The following NFIB variants were observed in gnomAD, a reference collection of about 807,000 sequenced individuals.
NFIB encodes the protein nuclear factor 1 B-type.
Under a neutral mutation model 61.5 loss-of-function variants are expected in NFIB, and 11 were observed. The ratio of observed to expected loss-of-function variants is 0.18; its 90% confidence interval spans 0.11 to 0.30. NFIB has a LOEUF of 0.30. Ranked by LOEUF, NFIB falls within the 10% of genes least tolerant of loss-of-function variation. The pLI, the probability that NFIB is intolerant of heterozygous loss-of-function variation, is 1.00. For synonymous variants in NFIB, 260 were observed against 216.5 expected (o/e 1.20, Z -1.76); for missense variants, 471 against 608.9 (o/e 0.77, Z 2.38).
chr9:14,153,149 G>A (rs548759367), intron 4 of NFIB, among the ~76,000 whole-genome samples: 3 of 152,070 alleles, frequency 2.0e-5, no homozygotes, highest in African/African-American at 7.2e-5. Context: ...CCATAAATAT[G>A]TACACATATT....
intron 3 of NFIB, among the ~76,000 whole-genome samples, chr9:14,176,402 T>G (rs2046198745): frequency 6.6e-6 from 1 of 152,084 alleles, no homozygotes; most frequent in South Asian, 2.1e-4. Context: ...TGTCCTTGGG[T>G]GCTATCTGAG....
intron 2 of NFIB, among the ~76,000 whole-genome samples, chr9:14,295,464 A>T (rs911787478): frequency 4.6e-5 from 7 of 151,272 alleles, no homozygotes; most frequent in African/African-American, 1.7e-4. Flanking sequence ...GTCTCTACTA[A>T]ACATACAAAA....
chr9:14,230,105 T>G (rs1280374202), intron 2 of NFIB, among the ~76,000 whole-genome samples: 1 of 152,222 alleles, frequency 6.6e-6, no homozygotes, highest in Non-Finnish European at 1.5e-5. Flanking sequence ...GTGCCTGGCC[T>G]GACCTGATGA....
At chr9:14,269,904 G>C (rs964144016) in intron 2 of NFIB, among the ~76,000 whole-genome samples, 1 of 152,048 alleles carries the variant, frequency 6.6e-6, no homozygotes, top group South Asian at 2.1e-4. Flanking sequence ...ACTACAGAGC[G>C]GCAAGGAAGT....
chr9:14,475,350 C>A, the NFIB span, among the ~76,000 whole-genome samples: 42 of 152,320 alleles, frequency 2.8e-4, no homozygotes, highest in African/African-American at 9.9e-4. Flanking sequence ...GGATAAGAAC[C>A]TTTCGACCAT....
intron 1 of NFIB, among the ~76,000 whole-genome samples, chr9:14,372,683 G>C (rs1328163421): frequency 3.3e-5 from 5 of 152,094 alleles, no homozygotes; most frequent in Admixed American, 3.3e-4. Flanking sequence ...CCTGGGGCCA[G>C]GAAACATCTG....
At position 14,194,233 on chromosome 9, in the gene NFIB, G is replaced by GT. The variant is rs2048250686; in HGVS notation, c.563-14454dup. Among the ~76,000 whole-genome samples the GT allele has an allele frequency of 2.0e-5, 3 of 152,266 alleles. 1 individual carries two copies. In the South Asian group the frequency reaches 6.2e-4, roughly 32 times the overall value. ...TAAATAGACATAAAGTGGCCATGAAGTAAGTCTAGCAATAACTTTCACTTT... is the reference window on the plus strand; with the variant it reads ...TAAATAGACATAAAGTGGCCATGAAGTTAAGTCTAGCAATAACTTTCACTTT... On this transcript the variant is annotated intron_variant, in intron 2 of 10. Coordinates refer to ENST00000380953, the MANE Select transcript of NFIB (RefSeq NM_001190737.2).
At chr9:14,327,705 C>T (rs2060772635) in intron 1 of NFIB, among the ~76,000 whole-genome samples, 1 of 152,156 alleles carries the variant, frequency 6.6e-6, no homozygotes, top group Non-Finnish European at 1.5e-5. Flanking sequence ...ACTTTGCAAG[C>T]AGCTGATGTG....
At chr9:14,493,024 T>C in the NFIB span, among the ~76,000 whole-genome samples, 1 of 152,222 alleles carries the variant, frequency 6.6e-6, no homozygotes, top group Non-Finnish European at 1.5e-5. Context: ...TAGCCCGTGA[T>C]GCTGTGCTCT....
Position 14,087,030 on chromosome 9 carries a change from T to G in NFIB, c.*1279A>C, listed in dbSNP as rs1288672813. 2.4e-5 allele frequency: 5 copies of G among 204,108 alleles called. No homozygotes were observed. 12.6% of individuals were successfully genotyped at this position (204,108 alleles called of 1,614,324 possible). A position where few individuals can be genotyped will look rare whatever the true frequency, so the allele number is the denominator to read the frequency against. ...CTGATTACATTTGTTTTCTCAAGAG[T>G]GCGTTTTTATATCCTACACCCTGGC... On this transcript the variant is annotated 3_prime_UTR_variant, in exon 11 of 11. Transcript: ENST00000380953.
chr9:14,256,872 C>A (rs2056266951), intron 2 of NFIB, among the ~76,000 whole-genome samples: 1 of 152,206 alleles, frequency 6.6e-6, no homozygotes, highest in Admixed American at 6.5e-5. Flanking sequence ...TGAAATAGAA[C>A]CAGGAACTGA....
the NFIB span, among the ~76,000 whole-genome samples, chr9:14,463,854 G>A: frequency 4.4e-3 from 676 of 151,984 alleles, 7 homozygotes; most frequent in African/African-American, 0.015. Context: ...TAGAGACAGG[G>A]TTTCACCGTG....
At chr9:14,398,884 C>A in exon 1 of NFIB, 2 of 377,464 alleles carry the variant, frequency 5.3e-6, no homozygotes, top group Non-Finnish European at 9.4e-6. Context: ...CAGTCTTGCT[C>A]CGACATGTGA....
Position 14,307,224 on chromosome 9 carries a change from G to A in NFIB, c.327C>T (p.Pro109=), listed in dbSNP as rs202070696. The A allele has an allele frequency of 1.2e-5, 20 of 1,613,860 alleles. No individual in the cohort carries two copies. Among genetic ancestry groups the A allele is most frequent in the East Asian group, 2.2e-5 (1 of 44,832 alleles). Residue 109 remains proline (P), a synonymous_variant, in exon 2 of 11, where the codon CCC becomes CCT. Transcript: ENST00000380953. The surrounding 1 kb of genome is among the most constrained non-coding windows in gnomAD (Gnocchi z 5.3). The stretch of plus-strand genomic sequence containing the variant: ...TTCTCCTAATCTTACCCTTCTGGTC[G>A]GGATTGGATAAGACACAGCACGGGT... ...KKHPCCVLSN[P]DQKGKIRRID...
the NFIB span, among the ~76,000 whole-genome samples, chr9:14,523,427 C>T: frequency 6.6e-6 from 1 of 152,052 alleles, no homozygotes; most frequent in Non-Finnish European, 1.5e-5. Context: ...TCTACCCATT[C>T]TACTTGAGGT....
chr9:14,164,745 A>T (rs942116772), intron 3 of NFIB, among the ~76,000 whole-genome samples: 3 of 152,194 alleles, frequency 2.0e-5, no homozygotes, highest in African/African-American at 7.2e-5. Flanking sequence ...TGGACCGATT[A>T]TCCTAGTGTA....
the NFIB span, among the ~76,000 whole-genome samples, chr9:14,457,412 A>G: frequency 6.6e-6 from 1 of 152,184 alleles, no homozygotes; most frequent in African/African-American, 2.4e-5. Flanking sequence ...AGAAAGCAGG[A>G]AAGATCTAAA....
chr9:14,442,869 G>A, the NFIB span, among the ~76,000 whole-genome samples: 1 of 152,140 alleles, frequency 6.6e-6, no homozygotes, highest in Non-Finnish European at 1.5e-5. Flanking sequence ...TATCACTAAT[G>A]TGTATAACTA....
chr9:14,438,561 G>A, the NFIB span, among the ~76,000 whole-genome samples: 3 of 152,202 alleles, frequency 2.0e-5, no homozygotes, highest in African/African-American at 7.2e-5. Context: ...AAGCTGGAAA[G>A]GGGGTGGTGG....
Sources: gnomAD v4.1 joint callset for allele counts (sites outside exome capture counted in the v4.1 genomes callset) on GRCh38, gnomAD v4.1.1 for gene constraint, Gnocchi (gnomAD v3.1) non-coding constraint, MANE v1.5 for transcripts, NCBI Gene and HGNC (gene_info 2026-07-23, HGNC 2026-07-21) for gene names.